MSI2: variants seen among roughly 807,000 people sequenced by gnomAD.
MSI2 encodes the protein musashi RNA binding protein 2.
Under a neutral mutation model 45.6 loss-of-function variants are expected in MSI2, and 17 were observed. The ratio of observed to expected loss-of-function variants is 0.37; its 90% CI spans 0.26 to 0.56. The LOEUF (loss-of-function observed/expected upper bound fraction) is 0.56. MSI2 is among the 20% of genes least tolerant of loss of function. MSI2 has a pLI of 0.77. For synonymous variants in MSI2, 156 were observed against 158.2 expected (o/e 0.99, Z 0.11); for missense variants, 293 against 444.2 (o/e 0.66, Z 3.06).
intron 11 of MSI2, among the ~76,000 whole-genome samples, chr17:57,659,616 C>T (rs980894801): frequency 1.3e-5 from 2 of 152,194 alleles, no homozygotes; most frequent in Admixed American, 6.5e-5. Context: ...GAACCCTGGA[C>T]TTGAACCCAG....
chr17:57,326,462 T>C (rs557806326), intron 5 of MSI2, among the ~76,000 whole-genome samples: 2 of 152,256 alleles, frequency 1.3e-5, no homozygotes, highest in Admixed American at 6.5e-5. Flanking sequence ...ATAAGAGATA[T>C]AGGTCTGTAT....
At chr17:57,677,109 T>C (rs1913286354) in intron 13 of MSI2, 50 bp downstream of exon 13, 2 of 1,295,920 alleles carry the variant, frequency 1.5e-6, no homozygotes, top group Admixed American at 1.7e-5. Context: ...TGTCCGTACA[T>C]GTATGTCCAC....
At chr17:57,468,224 T>G (rs752578735) in intron 6 of MSI2, among the ~76,000 whole-genome samples, 1 of 150,184 alleles carries the variant, frequency 6.7e-6, no homozygotes, top group Non-Finnish European at 1.5e-5. Flanking sequence ...GCACACAGAG[T>G]CCTTAGAAAC....
At chr17:57,522,732 T>G (rs2086617679) in intron 6 of MSI2, 1 of 152,134 alleles carries the variant, frequency 6.6e-6, no homozygotes, top group South Asian at 2.1e-4. Context: ...CTCAGTGAGA[T>G]CCTGGTGGGG....
At chr17:57,538,440 G>A (rs557821536) in intron 7 of MSI2, among the ~76,000 whole-genome samples, 3 of 152,252 alleles carry the variant, frequency 2.0e-5, no homozygotes, top group East Asian at 3.9e-4. Flanking sequence ...GGTCATACTC[G>A]GTTTCAGATC....
chr17:57,444,072 C>T (rs2084850759), intron 6 of MSI2, among the ~76,000 whole-genome samples: 1 of 152,138 alleles, frequency 6.6e-6, no homozygotes, highest in Non-Finnish European at 1.5e-5. Flanking sequence ...TGCTTGCTGA[C>T]TTCTGCCCCA....
At chr17:57,544,535 G>A (rs1325395363) in intron 7 of MSI2, among the ~76,000 whole-genome samples, 1 of 152,206 alleles carries the variant, frequency 6.6e-6, no homozygotes, top group African/African-American at 2.4e-5. Context: ...AGCAGCTGGG[G>A]TGGGAAGAGG....
At chr17:57,531,732 G>T (rs114144675) in intron 7 of MSI2, 1 of 152,214 alleles carries the variant, frequency 6.6e-6, no homozygotes, top group Admixed American at 6.5e-5. Context: ...CACTGGTATC[G>T]TCTCATTAAC....
chr17:57,450,367 T>TAAAGAAAGAAAGAAAGAA (rs144094118), intron 6 of MSI2: 2 of 151,952 alleles, frequency 1.3e-5, no homozygotes, highest in African/African-American at 4.8e-5. Context: ...TCACTTTCCT[T>TAAAGAAAGAAAGAAAGAA]AGAAAAAAAT....
At chr17:57,540,787 A>G (rs2087026872) in intron 7 of MSI2, among the ~76,000 whole-genome samples, 1 of 152,220 alleles carries the variant, frequency 6.6e-6, no homozygotes, top group South Asian at 2.1e-4. Flanking sequence ...CCTGGATTTC[A>G]GATTTCTAGC....
intron 5 of MSI2, among the ~76,000 whole-genome samples, chr17:57,318,163 A>ATGGAAGG (rs1413715383): frequency 1.3e-4 from 20 of 151,952 alleles, no homozygotes; most frequent in African/African-American, 4.8e-4. Flanking sequence ...ATAAAATAAA[A>ATGGAAGG]TGGAAGGTGG....
At chr17:57,306,901 C>T (rs576199459) in intron 5 of MSI2, among the ~76,000 whole-genome samples, 1 of 152,216 alleles carries the variant, frequency 6.6e-6, no homozygotes, top group South Asian at 2.1e-4. Context: ...TGAGGATACC[C>T]ATATCATATT....
intron 6 of MSI2, among the ~76,000 whole-genome samples, chr17:57,511,067 G>A (rs757959118): frequency 6.6e-6 from 1 of 152,170 alleles, no homozygotes; most frequent in Non-Finnish European, 1.5e-5. Flanking sequence ...CCCTTTGGAG[G>A]AGGTCACCAC....
At chr17:57,623,389 G>C (rs1004407729) in intron 9 of MSI2, among the ~76,000 whole-genome samples, 2 of 152,174 alleles carry the variant, frequency 1.3e-5, no homozygotes, top group Admixed American at 6.5e-5. Context: ...GACCCGTCTA[G>C]AAGGGAAACA....
At chr17:57,671,896 C>G (rs1217277582) in intron 11 of MSI2, among the ~76,000 whole-genome samples, 1 of 151,952 alleles carries the variant, frequency 6.6e-6, no homozygotes. Flanking sequence ...GGGACTTTAA[C>G]ATGCTTTCTG....
intron 5 of MSI2, among the ~76,000 whole-genome samples, chr17:57,381,318 G>T (rs374800902): frequency 6.6e-6 from 1 of 152,024 alleles, no homozygotes; most frequent in Non-Finnish European, 1.5e-5. Flanking sequence ...TGCCTGTCTC[G>T]GCCTCCCAGA....
At chr17:57,614,146 G>A (rs886083218) in intron 8 of MSI2, among the ~76,000 whole-genome samples, 3 of 152,156 alleles carry the variant, frequency 2.0e-5, no homozygotes, top group African/African-American at 7.2e-5. Context: ...CACCTCCCGG[G>A]TTCAAGCGAT....
At chr17:57,456,023 C>T (rs1482995460) in intron 6 of MSI2, among the ~76,000 whole-genome samples, 2 of 152,178 alleles carry the variant, frequency 1.3e-5, no homozygotes, top group South Asian at 2.1e-4. Flanking sequence ...ATAGACCAGA[C>T]GCCCCGCAGA....
chr17:57,317,992 T>TA (rs1195500981), intron 5 of MSI2, among the ~76,000 whole-genome samples: 1 of 151,862 alleles, frequency 6.6e-6, no homozygotes, highest in African/African-American at 2.4e-5. Context: ...CTACTAAAAA[T>TA]ACAAAAATTA....
Sources: allele counts gnomAD v4.1 joint callset (sites outside exome capture counted in the v4.1 genomes callset), GRCh38; gene constraint gnomAD v4.1.1; transcripts MANE v1.5; gene names NCBI Gene and HGNC (gene_info 2026-07-23, HGNC 2026-07-21).